Variants in EYS observed in about 807,000 individuals in gnomAD.
EYS encodes the protein EGF-like photoreceptor maintenance factor.
A neutral mutation model predicts 282.1 loss-of-function variants in EYS; 250 were observed. The ratio of observed to expected loss-of-function variants is 0.89; its 90% CI spans 0.80 to 0.98. EYS has a LOEUF of 0.98. Among genes scored for constraint, EYS ranks in the 50% least tolerant of loss-of-function variants. The pLI is 0.00. For missense variants in EYS, 4,016 were observed against 3,709.0 expected (o/e 1.08, Z -2.15); for synonymous variants, 1,355 against 1,282.9 (o/e 1.06, Z -1.20).
chr6:65,051,535 C>T (rs572088533), intron 13 of EYS, among the ~76,000 whole-genome samples: 1 of 151,686 alleles, frequency 6.6e-6, no homozygotes, highest in East Asian at 1.9e-4. Context: ...TATTACCTCA[C>T]ACACATTTTG....
intron 26 of EYS, among the ~76,000 whole-genome samples, chr6:64,474,934 A>G (rs745781995): frequency 3.9e-5 from 6 of 152,198 alleles, no homozygotes; most frequent in Non-Finnish European, 8.8e-5. Flanking sequence ...ATCATTCAGG[A>G]AAATGGACAG....
chr6:63,876,732 T>A (rs1281459072), intron 35 of EYS, among the ~76,000 whole-genome samples: 1 of 152,220 alleles, frequency 6.6e-6, no homozygotes, highest in Non-Finnish European at 1.5e-5. Context: ...TGGCCTTCTT[T>A]GTCTCTTTTG....
chr6:64,763,573 A>T (rs578048224), intron 22 of EYS, among the ~76,000 whole-genome samples: 2 of 152,190 alleles, frequency 1.3e-5, no homozygotes, highest in Admixed American at 6.5e-5. Context: ...ACAGAGCCAA[A>T]CATATTATTC....
At chr6:65,079,088 T>C (rs1774146497) in intron 12 of EYS, among the ~76,000 whole-genome samples, 1 of 152,074 alleles carries the variant, frequency 6.6e-6, no homozygotes, top group African/African-American at 2.4e-5. Flanking sequence ...CAGTCTCATG[T>C]ATTTCTTTAT....
intron 2 of EYS, among the ~76,000 whole-genome samples, chr6:65,550,127 T>TCTGA (rs1273153336): frequency 6.6e-6 from 1 of 150,712 alleles, no homozygotes; most frequent in East Asian, 2.0e-4. Context: ...GAAGTTAGTA[T>TCTGA]CTGACTCTAC....
chr6:63,746,632 C>T (rs1260155289), intron 41 of EYS, among the ~76,000 whole-genome samples: 1 of 152,182 alleles, frequency 6.6e-6, no homozygotes, highest in Non-Finnish European at 1.5e-5. Context: ...GTGGACTCAA[C>T]TTCTTCCTGG....
At chr6:64,125,919 T>C (rs557001990) in intron 31 of EYS, among the ~76,000 whole-genome samples, 48 of 138,448 alleles carry the variant, frequency 3.5e-4, no homozygotes, top group Admixed American at 1.9e-3. Flanking sequence ...TTCTCTTCTT[T>C]TTTTTTTTTT....
At chr6:65,575,375 T>C (rs1764628936) in intron 2 of EYS, among the ~76,000 whole-genome samples, 1 of 130,428 alleles carries the variant, frequency 7.7e-6, no homozygotes, top group South Asian at 2.6e-4. Context: ...AAGAAAAAAG[T>C]TTAAAAATAT....
rs1769333110 is a variant in EYS, at chr6:65,317,777, T to TTCCTTC, written c.1766+17202_1766+17203insGAAGGA. On this transcript the variant is annotated intron_variant, in intron 11 of 42. Transcript: ENST00000503581. ...GCTCTTGGCTGGAGGCTACATTTTC[T>TTCCTTC]CTTCCTTCCTTCCTTCCTTCCTTCC... 1.1e-3 allele frequency among the ~76,000 whole-genome samples: 61 copies of TTCCTTC among 57,414 alleles called. 8 individuals carry two copies. The highest frequency in any genetic ancestry group is 1.5e-3 in the Non-Finnish European group (39 of 25,476). The allele number at this position is 57,414 out of a possible 152,430, so 37.7% of individuals were successfully genotyped here.
At chr6:65,501,274 C>G (rs1475816328) in intron 2 of EYS, among the ~76,000 whole-genome samples, 1 of 151,786 alleles carries the variant, frequency 6.6e-6, no homozygotes, top group Non-Finnish European at 1.5e-5. Flanking sequence ...CAGCCTTCAT[C>G]TCAATTTGAG....
At chr6:65,060,887 C>T (rs949997832) in intron 12 of EYS, among the ~76,000 whole-genome samples, 4 of 151,160 alleles carry the variant, frequency 2.6e-5, no homozygotes, top group African/African-American at 7.3e-5. Flanking sequence ...AGAATAGCTA[C>T]TGTCTGATAT....
At chr6:63,821,869 C>T (rs929589227) in intron 36 of EYS, 3 of 152,188 alleles carry the variant, frequency 2.0e-5, no homozygotes, top group East Asian at 1.9e-4. Flanking sequence ...CCAAAGCATC[C>T]GTGAAACTGT....
chr6:65,057,843 T>C (rs1773463172), intron 12 of EYS, 116 bp from the exon 13 acceptor site: 2 of 685,166 alleles, frequency 2.9e-6, no homozygotes, highest in Non-Finnish European at 5.2e-6. Flanking sequence ...TGAAACCAAA[T>C]TTATTAGATA....
chr6:64,854,222 C>T lies in EYS; in HGVS notation c.2993-31400G>A, dbSNP rs532397190. On this transcript the variant is annotated intron_variant, in intron 19 of 42. Coordinates refer to ENST00000503581, the MANE Select transcript of EYS (RefSeq NM_001142800.2). ...CCTCAATGATCTACAACTAGAAATA[C>T]CATTTGACTCAGCAATCGCATTACT... 3.3e-5 allele frequency among the ~76,000 whole-genome samples: 5 copies of T among 152,200 alleles called. No individual in the cohort carries two copies. In the South Asian group the frequency reaches 1.0e-3, roughly 32 times the overall value.
chr6:64,739,476 A>G lies in EYS; in HGVS notation c.3443+73902T>C, dbSNP rs138518986. On this transcript the variant is annotated intron_variant, in intron 22 of 42. Coordinates refer to ENST00000503581, the MANE Select transcript of EYS (RefSeq NM_001142800.2). ...CATGACCACATATAAAATAATTTCT[A>G]TGGTGCTAGTATCAAAATGTTATTA... Among the ~76,000 whole-genome samples the G allele has an allele frequency of 2.6e-5, 4 of 152,338 alleles. No individual in the cohort carries two copies. The East Asian group carries it at 5.8e-4, about 22-fold the overall frequency.
chr6:64,756,885 C>CTTTT (rs5876921), intron 22 of EYS, among the ~76,000 whole-genome samples: 2 of 137,742 alleles, frequency 1.5e-5, no homozygotes, highest in Non-Finnish European at 3.2e-5. Context: ...AGCATCAGTG[C>CTTTT]TTTTTTTTTT....
intron 12 of EYS, among the ~76,000 whole-genome samples, chr6:65,146,912 T>G (rs1764493370): frequency 6.6e-6 from 1 of 152,004 alleles, no homozygotes; most frequent in African/African-American, 2.4e-5. Flanking sequence ...TTTTCTGTGA[T>G]CTACAATGGT....
intron 31 of EYS, among the ~76,000 whole-genome samples, chr6:64,121,882 G>T (rs1486401678): frequency 6.6e-6 from 1 of 152,164 alleles, no homozygotes; most frequent in Non-Finnish European, 1.5e-5. Flanking sequence ...CTCATCTATA[G>T]ACAGGGCTTA....
rs1185535395 is a variant in EYS at position 64,149,011 on chromosome 6, T to G, written c.6425-67009A>C. ...ATGACAACTCTAATTATTGAGACACTTTCATAAGTCATACCCCACACACTA... is the reference window on the plus strand; with the variant it reads ...ATGACAACTCTAATTATTGAGACACGTTCATAAGTCATACCCCACACACTA... On this transcript the variant is annotated intron_variant, in intron 31 of 42. Transcript: ENST00000503581. 2.6e-5 allele frequency among the ~76,000 whole-genome samples: 4 copies of G among 152,168 alleles called. 1 individual carries two copies. The highest frequency in any genetic ancestry group is 9.7e-5 in the African/African-American group (4 of 41,446).
Sources: gnomAD v4.1 joint callset for allele counts (sites outside exome capture counted in the v4.1 genomes callset) on GRCh38, gnomAD v4.1.1 for gene constraint, MANE v1.5 for transcripts, NCBI Gene and HGNC (gene_info 2026-07-23, HGNC 2026-07-21) for gene names.